The following KANSL3 variants were observed in gnomAD, a reference collection of about 807,000 sequenced individuals.
The protein encoded by KANSL3 is NSL complex protein NSL3.
In KANSL3, 16 loss-of-function variants were observed where a neutral mutation model predicts 89.2. The observed-to-expected ratio is 0.18, with a 90% CI of 0.12 to 0.27. KANSL3 has a LOEUF of 0.27. Ranked by LOEUF, KANSL3 falls within the 10% of genes least tolerant of loss-of-function variation. The pLI is 1.00. For missense variants in KANSL3, 879 were observed against 1,110.6 expected (o/e 0.79, Z 2.96); for synonymous variants, 385 against 419.7 (o/e 0.92, Z 1.01).
chr2:96,598,662 C>G (rs999178297), intron 20 of KANSL3, among the ~76,000 whole-genome samples: 15 of 152,152 alleles, frequency 9.9e-5, no homozygotes, highest in African/African-American at 3.4e-4. Flanking sequence ...GTAATCCCAA[C>G]ACTTTGGGAG....
rs1321564467 is a variant in KANSL3, at chr2:96,601,857, T to C, written c.2483-81A>G. ...AGGCTTTCCTTTCCTGGAGAGCTTC[T>C]CCCCCACATAACACAGTCCCTTGGC... On this transcript the variant is annotated intron_variant, in intron 19 of 20. Coordinates refer to ENST00000431828, the MANE Select transcript of KANSL3 (RefSeq NM_001115016.3). 4.8e-6 allele frequency: 7 copies of C among 1,467,154 alleles called. No homozygotes were observed. In the African/African-American group the frequency reaches 5.7e-5, roughly 12 times the overall value. The allele number at this position is 1,467,154 out of a possible 1,614,324, so 90.9% of individuals were successfully genotyped here.
In KANSL3 at chr2:96,602,878, G is replaced by A. The variant is rs775027649; in HGVS notation, c.2150-16C>T. 1.9e-6 allele frequency: 3 copies of A among 1,610,362 alleles called. No homozygotes were observed. Among genetic ancestry groups the A allele is most frequent in the Non-Finnish European group, 2.5e-6 (3 of 1,176,770 alleles). Reference sequence around the variant, plus strand: ...GATGTGGCCCCTAAGAGAGGACATAGCAGGAATCAGTAGAGACTCAATCAC... The same window carrying A: ...GATGTGGCCCCTAAGAGAGGACATAACAGGAATCAGTAGAGACTCAATCAC... On this transcript the variant is annotated splice_polypyrimidine_tract_variant and intron_variant, in intron 17 of 20. Coordinates refer to ENST00000431828, the MANE Select transcript of KANSL3 (RefSeq NM_001115016.3).
At chr2:96,593,049 T>C (rs1051054596), downstream of KANSL3, 9 of 287,830 alleles carry the variant, frequency 3.1e-5, no homozygotes, top group African/African-American at 1.8e-4. Context: ...CCACCTGGCA[T>C]TGGTGAGGTG....
In KANSL3 at chr2:96,594,153, A is replaced by T. The variant is rs1444489701; in HGVS notation, c.*1458T>A. The stretch of plus-strand genomic sequence containing the variant: ...CTGGCCAGGAAGGCTCCCAGATTGA[A>T]CACAGGTGACCTGGTATAGATACAC... On this transcript the variant is annotated 3_prime_UTR_variant, in exon 21 of 21. Coordinates refer to ENST00000431828, the MANE Select transcript of KANSL3 (RefSeq NM_001115016.3). 1 of 152,226 alleles carries T rather than the reference A, an allele frequency of 6.6e-6. No homozygotes were observed. The highest frequency in any genetic ancestry group is 1.5e-5 in the Non-Finnish European group (1 of 68,078). 9.4% of individuals were successfully genotyped at this position (152,226 alleles called of 1,614,324 possible). A position where few individuals can be genotyped will look rare whatever the true frequency, so the allele number is the denominator to read the frequency against.
chr2:96,629,312 G>A (rs988714631), intron 3 of KANSL3, among the ~76,000 whole-genome samples: 4 of 152,094 alleles, frequency 2.6e-5, no homozygotes, highest in Non-Finnish European at 5.9e-5. Context: ...TTTATCTGAA[G>A]CTCAAAAGAG....
At chr2:96,586,224 C>CAA in the KANSL3 span, among the ~76,000 whole-genome samples, 10 of 61,566 alleles carry the variant, frequency 1.6e-4, no homozygotes, top group East Asian at 5.1e-4. Context: ...GACTCAGTCT[C>CAA]AAAAAAAAAA....
At chr2:96,609,827 C>T (rs537961532) in intron 11 of KANSL3, among the ~76,000 whole-genome samples, 8 of 151,846 alleles carry the variant, frequency 5.3e-5, no homozygotes, top group African/African-American at 1.9e-4. Context: ...ACAGTCCGCT[C>T]CAGAATTCCT....
intron 14 of KANSL3, chr2:96,607,094 G>A (rs1446960640): frequency 1.7e-6 from 2 of 1,163,136 alleles, no homozygotes; most frequent in Non-Finnish European, 2.3e-6. Context: ...AGCCAGAGAA[G>A]GGAGAAAAAG....
intron 5 of KANSL3, among the ~76,000 whole-genome samples, chr2:96,617,880 G>A (rs2070471337): frequency 6.6e-6 from 1 of 151,850 alleles, no homozygotes; most frequent in Non-Finnish European, 1.5e-5. Flanking sequence ...CAGCTACTCA[G>A]GAGGCTGAGG....
intron 11 of KANSL3, among the ~76,000 whole-genome samples, chr2:96,609,811 C>T (rs997829634): frequency 6.6e-6 from 1 of 151,800 alleles, no homozygotes; most frequent in Non-Finnish European, 1.5e-5. Context: ...AAGCACAGTG[C>T]CCAGGACAGT....
Position 96,604,305 on chromosome 2 carries a change from G to A in KANSL3, c.2094C>T (p.Ala698=), listed in dbSNP as rs1342786460. 6 of 1,613,182 alleles carry A rather than the reference G, an allele frequency of 3.7e-6. No homozygotes were observed. Among genetic ancestry groups the A allele is most frequent in the Non-Finnish European group, 5.1e-6 (6 of 1,179,822 alleles). Residue 698 remains alanine (A), a synonymous_variant, in exon 17 of 21, where the codon GCC becomes GCT. Coordinates refer to ENST00000431828, the MANE Select transcript of KANSL3 (RefSeq NM_001115016.3). ...CCAGGCGGCTCTGCAGTGTGTGCAAGGCACTGGGTGCAGTGCTGCTGGAGA... is the reference window on the plus strand; with the variant it reads ...CCAGGCGGCTCTGCAGTGTGTGCAAAGCACTGGGTGCAGTGCTGCTGGAGA... ...SVVSSSTAPS[A]LHTLQSRLVA...
Position 96,613,582 on chromosome 2 carries a change from T to C in KANSL3, c.701A>G (p.Asn234Ser), listed in dbSNP as rs760193894. 3 of 1,613,330 alleles carry C rather than the reference T, an allele frequency of 1.9e-6. No homozygotes were observed. The highest frequency in any genetic ancestry group is 2.5e-6 in the Non-Finnish European group (3 of 1,179,608). The change falls in exon 6 of 21, where the codon AAC becomes AGC. Residue 234 changes from asparagine (N) to serine (S), a missense_variant. By Grantham distance (46) the Asn-to-Ser change is conservative (BLOSUM62 1). Coordinates refer to ENST00000431828, the MANE Select transcript of KANSL3 (RefSeq NM_001115016.3). ...TLIDRMLVSS[N>S]TKTGAAGAEA... is the part of the protein sequence containing the mutation. ...AGCTCCTGCAGCCCCAGTCTTTGTG[T>C]TGGATGACACAAGCATCCGGTCAAT...
intron 2 of KANSL3, 25 bp from the exon 3 acceptor site, chr2:96,631,507 C>A (rs757926420): frequency 1.3e-6 from 2 of 1,553,728 alleles, no homozygotes; most frequent in Non-Finnish European, 1.7e-6. Flanking sequence ...GGAAATAGGA[C>A]CGGGCCACAC....
the KANSL3 span, among the ~76,000 whole-genome samples, chr2:96,582,005 G>A: frequency 5.9e-5 from 9 of 152,228 alleles, no homozygotes; most frequent in Admixed American, 3.3e-4. Context: ...AAAATTATTT[G>A]TACATTAGAT....
At position 96,636,909 on chromosome 2, in the gene KANSL3, G is replaced by T; in HGVS notation, c.215+12C>A. 6.7e-7 allele frequency: 1 copy of T among 1,502,082 alleles called. No individual in the cohort carries two copies. The highest frequency in any genetic ancestry group is 1.4e-5 in the African/African-American group (1 of 71,892). The allele number at this position is 1,502,082 out of a possible 1,614,324, so 93.0% of individuals were successfully genotyped here. Reference sequence around the variant, plus strand: ...GTGAGGTTACCAGCAGCCCTTAGAAGCCCCAACTCACATGGTACTTTCGTG... The same window carrying T: ...GTGAGGTTACCAGCAGCCCTTAGAATCCCCAACTCACATGGTACTTTCGTG... On this transcript the variant is annotated intron_variant, in intron 2 of 20. Coordinates refer to ENST00000431828, the MANE Select transcript of KANSL3 (RefSeq NM_001115016.3).
chr2:96,615,165 C>CACAAAAAAAAAAAAAA (rs2069775232), intron 5 of KANSL3: 1 of 83,044 alleles, frequency 1.2e-5, no homozygotes, highest in African/African-American at 6.3e-5. Context: ...GAGACTGTCT[C>CACAAAAAAAAAAAAAA]AAAAAAAAAA....
At chr2:96,587,822 T>A in the KANSL3 span, among the ~76,000 whole-genome samples, 1 of 151,338 alleles carries the variant, frequency 6.6e-6, no homozygotes, top group Non-Finnish European at 1.5e-5. Context: ...ACAGAAGACA[T>A]AAAGAACAAA....
intron 3 of KANSL3, among the ~76,000 whole-genome samples, chr2:96,626,401 T>C (rs1264098570): frequency 1.3e-5 from 2 of 152,084 alleles, no homozygotes; most frequent in African/African-American, 2.4e-5. Context: ...TCAAAGACCT[T>C]GGACTTAAAA....
rs1417433061 is a variant in KANSL3, at chr2:96,602,285, C to T, written c.2313G>A (p.Thr771=). ...TGGTACGGACAATGGTGCTGGTGCCCGTGGTGATGGCACCCAGGCTCTGCA... is the reference window on the plus strand; with the variant it reads ...TGGTACGGACAATGGTGCTGGTGCCTGTGGTGATGGCACCCAGGCTCTGCA... ...TPMQSLGAIT[T]GTSTIVRTIP... The change falls in exon 19 of 21, where the codon ACG becomes ACA. Residue 771 remains threonine, a synonymous_variant. Transcript: ENST00000431828. 3.7e-6 allele frequency: 6 copies of T among 1,612,306 alleles called. No homozygotes were observed. Among genetic ancestry groups the T allele is most frequent in the African/African-American group, 1.3e-5 (1 of 75,004 alleles).
Sources: gnomAD v4.1 joint callset for allele counts (sites outside exome capture counted in the v4.1 genomes callset) on GRCh38, gnomAD v4.1.1 for gene constraint, MANE v1.5 for transcripts, NCBI Gene and HGNC (gene_info 2026-07-23, HGNC 2026-07-21) for gene names.